Variants in NFIB observed in about 807,000 individuals in gnomAD.
NFIB encodes the protein nuclear factor 1 B-type.
A neutral mutation model predicts 61.5 loss-of-function variants in NFIB; 11 were observed. That is an observed-to-expected ratio of 0.18 (90% CI 0.11 to 0.30). The LOEUF (loss-of-function observed/expected upper bound fraction) is 0.30, where lower values mean the gene tolerates loss of function less well. NFIB is among the 10% of genes least tolerant of loss of function. NFIB has a pLI of 1.00. For missense variants in NFIB, 471 were observed against 608.9 expected (o/e 0.77, Z 2.38); for synonymous variants, 260 against 216.5 (o/e 1.20, Z -1.76).
intron 2 of NFIB, among the ~76,000 whole-genome samples, chr9:14,265,862 A>G (rs2057156906): frequency 6.6e-6 from 1 of 152,192 alleles, no homozygotes; most frequent in African/African-American, 2.4e-5. Context: ...AATCAGTCTT[A>G]TGTTAGGGAA....
At chr9:14,281,811 G>A (rs754248282) in intron 2 of NFIB, among the ~76,000 whole-genome samples, 14 of 151,990 alleles carry the variant, frequency 9.2e-5, no homozygotes, top group African/African-American at 2.2e-4. Context: ...GTTCTCACAC[G>A]TTCACATGCA....
the NFIB span, among the ~76,000 whole-genome samples, chr9:14,502,467 G>A: frequency 4.6e-5 from 7 of 152,170 alleles, no homozygotes; most frequent in African/African-American, 1.4e-4. Flanking sequence ...AAATCTAATA[G>A]TGCATTGGAA....
intron 2 of NFIB, among the ~76,000 whole-genome samples, chr9:14,295,983 G>A (rs2059419926): frequency 6.6e-6 from 1 of 152,284 alleles, no homozygotes; most frequent in Admixed American, 6.5e-5. Context: ...ATTTAAATGG[G>A]TTTTAAAACT....
the NFIB span, among the ~76,000 whole-genome samples, chr9:14,512,747 T>C: frequency 1.9e-3 from 293 of 152,182 alleles, 3 homozygotes; most frequent in African/African-American, 6.7e-3. Flanking sequence ...ACCTCCCTTT[T>C]CTCTCTTCCT....
At chr9:14,135,452 GA>G (rs2040934790) in intron 6 of NFIB, among the ~76,000 whole-genome samples, 1 of 152,042 alleles carries the variant, frequency 6.6e-6, no homozygotes, top group Non-Finnish European at 1.5e-5. Flanking sequence ...ATACAGTGAA[GA>G]AAAAAGAATA....
At chr9:14,476,313 AT>A in the NFIB span, among the ~76,000 whole-genome samples, 1 of 152,054 alleles carries the variant, frequency 6.6e-6, no homozygotes, top group Non-Finnish European at 1.5e-5. Context: ...ATCTAAAAAA[AT>A]GTAAAAACAG....
At chr9:14,517,831 T>C in the NFIB span, among the ~76,000 whole-genome samples, 1 of 152,184 alleles carries the variant, frequency 6.6e-6, no homozygotes, top group African/African-American at 2.4e-5. Context: ...CTCTTGCCAC[T>C]GGACCTTTGC....
At chr9:14,162,869 G>C (rs540683703) in intron 3 of NFIB, among the ~76,000 whole-genome samples, 1 of 151,850 alleles carries the variant, frequency 6.6e-6, no homozygotes, top group South Asian at 2.1e-4. Flanking sequence ...TACTAAGTGG[G>C]CTATGTTTAT....
At chr9:14,439,407 T>C in the NFIB span, among the ~76,000 whole-genome samples, 1 of 152,180 alleles carries the variant, frequency 6.6e-6, no homozygotes, top group Non-Finnish European at 1.5e-5. Context: ...GACAAATGAT[T>C]TAATCTTTCT....
chr9:14,174,630 G>A (rs1017708892), intron 3 of NFIB, among the ~76,000 whole-genome samples: 11 of 151,964 alleles, frequency 7.2e-5, no homozygotes, highest in African/African-American at 2.4e-4. Context: ...AGCCAGGCAC[G>A]GTAGCAGGCG....
intron 2 of NFIB, among the ~76,000 whole-genome samples, chr9:14,184,320 A>T (rs911197167): frequency 6.6e-6 from 1 of 152,208 alleles, no homozygotes; most frequent in African/African-American, 2.4e-5. Context: ...TGTTTCTGGG[A>T]AACTTACCTT....
intron 1 of NFIB, chr9:14,362,905 A>C (rs2061256676): frequency 6.6e-6 from 1 of 152,114 alleles, no homozygotes; most frequent in Admixed American, 6.6e-5. Context: ...CCAAAACACA[A>C]AAACAAACAA....
intron 10 of NFIB, among the ~76,000 whole-genome samples, chr9:14,104,728 G>A (rs774778686): frequency 4.6e-5 from 7 of 150,830 alleles, no homozygotes; most frequent in South Asian, 4.2e-4. Context: ...TTACAGGTTC[G>A]TGCCACCATG....
chr9:14,249,162 T>C (rs1435769984), intron 2 of NFIB, among the ~76,000 whole-genome samples: 2 of 152,228 alleles, frequency 1.3e-5, no homozygotes, highest in African/African-American at 4.8e-5. Context: ...CATTAAATTC[T>C]CACTGTACGT....
chr9:14,120,059 G>A lies in NFIB; in HGVS notation c.1245+381C>T, dbSNP rs1458501330. Among the ~76,000 whole-genome samples, 5 of 152,100 alleles carry A rather than the reference G, an allele frequency of 3.3e-5. No homozygotes were observed. Among genetic ancestry groups the A allele is most frequent in the Non-Finnish European group, 7.4e-5 (5 of 68,020 alleles). On this transcript the variant is annotated intron_variant, in intron 8 of 10. Transcript: ENST00000380953. The surrounding 1 kb of genome is among the most constrained non-coding windows in gnomAD (Gnocchi z 4.4). ...TAAATACAACTGTAAGTTCTTTTGT[G>A]TGTGTTTATTTTAGCACATACCTTA...
chr9:14,179,870 G>A (rs977858115), intron 2 of NFIB, 90 bp from the exon 3 acceptor site: 1 of 1,311,984 alleles, frequency 7.6e-7, no homozygotes, highest in South Asian at 1.4e-5. Flanking sequence ...AAATTTGAAG[G>A]TATAAAAATG....
At chr9:14,487,837 T>G in the NFIB span, among the ~76,000 whole-genome samples, 1 of 152,152 alleles carries the variant, frequency 6.6e-6, no homozygotes, top group Admixed American at 6.5e-5. Context: ...GCTATGTCAG[T>G]ACATGCTCCA....
chr9:14,353,266 G>A (rs564108674), intron 1 of NFIB, among the ~76,000 whole-genome samples: 6 of 152,236 alleles, frequency 3.9e-5, no homozygotes, highest in South Asian at 2.1e-4. Flanking sequence ...GTTTTTGTGC[G>A]TGGAAAGGGG....
At chr9:14,476,865 C>T in the NFIB span, among the ~76,000 whole-genome samples, 1 of 152,160 alleles carries the variant, frequency 6.6e-6, no homozygotes, top group South Asian at 2.1e-4. Context: ...AAATGTTTCA[C>T]ATTCAGAATG....
Sources: allele counts gnomAD v4.1 joint callset (sites outside exome capture counted in the v4.1 genomes callset), GRCh38; gene constraint gnomAD v4.1.1; non-coding constraint Gnocchi (gnomAD v3.1); transcripts MANE v1.5; gene names NCBI Gene and HGNC (gene_info 2026-07-23, HGNC 2026-07-21).